Variants in PTPRM observed in about 807,000 individuals in gnomAD.
The protein encoded by PTPRM is receptor-type tyrosine-protein phosphatase mu.
A neutral mutation model predicts 186.7 loss-of-function variants in PTPRM; 47 were observed. The ratio of observed to expected loss-of-function variants is 0.25; its 90% CI spans 0.20 to 0.32. PTPRM has a LOEUF of 0.32. PTPRM is among the 10% of genes least tolerant of loss of function. The pLI is 1.00. For synonymous variants in PTPRM, 668 were observed against 674.9 expected (o/e 0.99, Z 0.16); for missense variants, 1,494 against 1,865.0 (o/e 0.80, Z 3.66).
intron 30 of PTPRM, among the ~76,000 whole-genome samples, 184 bp downstream of exon 30, chr18:8,384,870 G>A (rs1392345378): frequency 6.6e-6 from 1 of 152,218 alleles, no homozygotes; most frequent in East Asian, 1.9e-4. Context: ...TATTTAGAAA[G>A]TAATGATACT....
At chr18:7,880,681 C>T (rs1471115221) in intron 2 of PTPRM, among the ~76,000 whole-genome samples, 5 of 152,114 alleles carry the variant, frequency 3.3e-5, no homozygotes, top group African/African-American at 7.2e-5. Context: ...GCTTTGCTCC[C>T]GTAGTTCATT....
intron 1 of PTPRM, among the ~76,000 whole-genome samples, chr18:7,570,941 G>GTT (rs11312671): frequency 1.5e-5 from 2 of 133,502 alleles, no homozygotes; most frequent in African/African-American, 5.5e-5. Context: ...AAAATTGTGG[G>GTT]TTTTTTTTTT....
intron 7 of PTPRM, among the ~76,000 whole-genome samples, chr18:8,038,848 A>G (rs891362346): frequency 1.3e-5 from 2 of 152,168 alleles, no homozygotes; most frequent in African/African-American, 4.8e-5. Context: ...AAACTGCAAC[A>G]TGATTGAAGT....
intron 7 of PTPRM, among the ~76,000 whole-genome samples, chr18:8,042,114 T>C (rs927101652): frequency 2.0e-5 from 3 of 152,226 alleles, no homozygotes; most frequent in African/African-American, 7.2e-5. Context: ...TTTAAGATGA[T>C]TTTGATTGTG....
intron 9 of PTPRM, among the ~76,000 whole-genome samples, chr18:8,083,373 C>G (rs1301279262): frequency 6.6e-6 from 1 of 152,106 alleles, no homozygotes; most frequent in Non-Finnish European, 1.5e-5. Context: ...ATACTGTGCC[C>G]ACTCACTCCC....
intron 2 of PTPRM, among the ~76,000 whole-genome samples, chr18:7,785,971 T>G (rs1468300328): frequency 6.6e-6 from 1 of 152,224 alleles, no homozygotes; most frequent in Non-Finnish European, 1.5e-5. Flanking sequence ...TTACATTTTA[T>G]TTTTGGATAC....
At chr18:7,748,017 C>T (rs1391851882) in intron 1 of PTPRM, among the ~76,000 whole-genome samples, 1 of 152,212 alleles carries the variant, frequency 6.6e-6, no homozygotes. Context: ...TCTTCCCCAA[C>T]ATACTGCCTT....
intron 1 of PTPRM, among the ~76,000 whole-genome samples, chr18:7,771,270 G>A (rs1490994302): frequency 1.3e-5 from 2 of 152,126 alleles, no homozygotes; most frequent in African/African-American, 4.8e-5. Context: ...GACCTTCTCT[G>A]TCAAAATTGA....
At chr18:8,391,603 G>T (rs963961750) in intron 31 of PTPRM, among the ~76,000 whole-genome samples, 4 of 152,216 alleles carry the variant, frequency 2.6e-5, no homozygotes, top group African/African-American at 9.7e-5. Context: ...TATTGTTGAG[G>T]AAGGAACGTG....
At chr18:8,179,457 C>CTCTTTTTTTTTTTTCTTT (rs1320293073) in intron 14 of PTPRM, among the ~76,000 whole-genome samples, 2 of 151,398 alleles carry the variant, frequency 1.3e-5, no homozygotes, top group African/African-American at 4.8e-5. Flanking sequence ...CTAAATATCC[C>CTCTTTTTTTTTTTTCTTT]TCTTTTTTTT....
chr18:7,888,708 C>G (rs575995862), intron 3 of PTPRM, among the ~76,000 whole-genome samples: 1 of 151,924 alleles, frequency 6.6e-6, no homozygotes, highest in Non-Finnish European at 1.5e-5. Context: ...TTCATAATAG[C>G]AAAGACATGG....
In PTPRM at chr18:8,248,124, A is replaced by G. The variant is rs1427511009; in HGVS notation, c.2528-26A>G. Reference sequence around the variant, plus strand: ...TTCTTTCTCTTTTTACTTTCTCTGCATTGACCTGCTTACGGTGTATGACAG... The same window carrying G: ...TTCTTTCTCTTTTTACTTTCTCTGCGTTGACCTGCTTACGGTGTATGACAG... On this transcript the variant is annotated intron_variant, in intron 16 of 32. Coordinates refer to ENST00000580170, the MANE Select transcript of PTPRM (RefSeq NM_001105244.2). 8.5e-6 allele frequency: 13 copies of G among 1,525,594 alleles called. No individual in the cohort carries two copies. In the African/African-American group the frequency reaches 9.6e-5, roughly 11 times the overall value. The allele number at this position is 1,525,594 out of a possible 1,614,324, so 94.5% of individuals were successfully genotyped here.
chr18:8,245,795 A>G (rs764803247), intron 15 of PTPRM, among the ~76,000 whole-genome samples: 10 of 152,194 alleles, frequency 6.6e-5, no homozygotes, highest in African/African-American at 1.9e-4. Context: ...AGAATCACTC[A>G]TCCCAAAAGC....
chr18:8,120,492 CT>C (rs199835832), intron 13 of PTPRM, among the ~76,000 whole-genome samples: 127 of 136,538 alleles, frequency 9.3e-4, no homozygotes, highest in East Asian at 2.8e-3. Context: ...TTCTTTCTTT[CT>C]TTTTTTTTTT....
chr18:7,733,459 C>A (rs745689114), intron 1 of PTPRM, among the ~76,000 whole-genome samples: 14 of 152,054 alleles, frequency 9.2e-5, no homozygotes, highest in Non-Finnish European at 1.5e-4. Flanking sequence ...TGTATATGTG[C>A]CACATTTTCT....
intron 1 of PTPRM, among the ~76,000 whole-genome samples, chr18:7,709,879 A>G (rs2040175301): frequency 6.6e-6 from 1 of 152,206 alleles, no homozygotes; most frequent in African/African-American, 2.4e-5. Context: ...GAATAGACCA[A>G]TAACAAGCAG....
Position 7,934,538 on chromosome 18 carries a change from T to A in PTPRM, c.663+7855T>A, listed in dbSNP as rs115473009. Among the ~76,000 whole-genome samples, 589 of 152,346 alleles carry A rather than the reference T, an allele frequency of 3.9e-3. 3 individuals are homozygous for A. The highest frequency in any genetic ancestry group is 0.013 in the African/African-American group (534 of 41,586). ...AGTTTCACTGATCTACCATAGAATT[T>A]GGCTTTTGAATGAATAAATTAAAAA... On this transcript the variant is annotated intron_variant, in intron 5 of 32. Transcript: ENST00000580170.
chr18:7,836,984 T>C (rs2046083176), intron 2 of PTPRM, among the ~76,000 whole-genome samples: 1 of 152,226 alleles, frequency 6.6e-6, no homozygotes, highest in African/African-American at 2.4e-5. Flanking sequence ...TTAAATCTGC[T>C]TTTTGTTCTA....
chr18:7,713,801 G>A (rs7239716), intron 1 of PTPRM, among the ~76,000 whole-genome samples: 6,081 of 151,996 alleles, frequency 0.04, 380 homozygotes, highest in African/African-American at 0.13. Flanking sequence ...AATGGTAAAG[G>A]TATCAATGCA....
Sources: gnomAD v4.1 joint callset for allele counts (sites outside exome capture counted in the v4.1 genomes callset) on GRCh38, gnomAD v4.1.1 for gene constraint, MANE v1.5 for transcripts, NCBI Gene and HGNC (gene_info 2026-07-23, HGNC 2026-07-21) for gene names.